Variants in FYB2 observed in about 807,000 individuals in gnomAD.
FYB2 encodes FYN binding protein 2.
Under a neutral mutation model 94.1 loss-of-function variants are expected in FYB2, and 103 were observed. The ratio of observed to expected loss-of-function variants is 1.09; its 90% CI spans 0.93 to 1.29. FYB2 has a LOEUF of 1.29. Among genes scored for constraint, FYB2 ranks in the 50% most tolerant of loss-of-function variants. The pLI is 0.00. For synonymous variants in FYB2, 293 were observed against 287.9 expected (o/e 1.02, Z -0.18); for missense variants, 896 against 841.5 (o/e 1.06, Z -0.80).
At chr1:56,819,238 A>G (rs1460471128) in intron 1 of FYB2, 44 bp downstream of exon 1, 2 of 1,613,962 alleles carry the variant, frequency 1.2e-6, no homozygotes, top group Non-Finnish European at 1.7e-6. Context: ...GTCCTGCAAG[A>G]AAAGACACAC....
At chr1:56,804,338 A>G (rs1376945790) in intron 1 of FYB2, among the ~76,000 whole-genome samples, 2 of 152,226 alleles carry the variant, frequency 1.3e-5, no homozygotes, top group African/African-American at 4.8e-5. Context: ...ATGAGTGAAT[A>G]TATTTCTGGA....
At chr1:56,756,067 C>T in intron 6 of FYB2, 140 bp from the exon 7 acceptor site, 1 of 660,224 alleles carries the variant, frequency 1.5e-6, no homozygotes. Flanking sequence ...ACACTGACCA[C>T]AGAAAGTTCC....
rs1048902363 is a variant in FYB2 at position 56,744,227 on chromosome 1, G to A, written c.1427C>T (p.Pro476Leu). ...LEVLESTKET[P>L]DLGVSKTSSI... ...ACTTGTCTTAGAGACCCCTAGGTCT[G>A]GAGTTTCTTTAGTTGACTCCAAAAC... The change falls in exon 10 of 20, where the codon CCA becomes CTA. Residue 476 changes from proline to leucine, a missense_variant. Pro to Leu is a moderately conservative substitution (Grantham distance 98). Transcript: ENST00000343433. The A allele has an allele frequency of 6.2e-7, 1 of 1,612,214 alleles. No homozygotes were observed. Among genetic ancestry groups the A allele is most frequent in the Non-Finnish European group, 8.5e-7 (1 of 1,179,200 alleles).
At chr1:56,823,070 G>A (rs1052904844), upstream of FYB2, among the ~76,000 whole-genome samples, 6 of 152,180 alleles carry the variant, frequency 3.9e-5, no homozygotes, top group Non-Finnish European at 2.9e-5. Context: ...TGTGTAGCAG[G>A]CTACACAGTT....
intron 17 of FYB2, among the ~76,000 whole-genome samples, chr1:56,721,081 C>T (rs1201446765): frequency 6.6e-6 from 1 of 151,988 alleles, no homozygotes; most frequent in East Asian, 1.9e-4. Context: ...TCCCAGTCTC[C>T]TTTTGTATTC....
intron 1 of FYB2, among the ~76,000 whole-genome samples, chr1:56,804,377 T>C (rs1205164114): frequency 6.6e-6 from 1 of 152,180 alleles, no homozygotes; most frequent in Non-Finnish European, 1.5e-5. Context: ...GATGATCTTT[T>C]AAAAGGCTTT....
intron 5 of FYB2, among the ~76,000 whole-genome samples, chr1:56,767,447 A>T (rs1645650762): frequency 6.6e-6 from 1 of 152,194 alleles, no homozygotes; most frequent in Non-Finnish European, 1.5e-5. Flanking sequence ...CACACCAAGT[A>T]ACCAGGGAAC....
chr1:56,731,635 C>T (rs1644712955), intron 15 of FYB2, among the ~76,000 whole-genome samples: 1 of 152,010 alleles, frequency 6.6e-6, no homozygotes, highest in South Asian at 2.1e-4. Context: ...ATATTGATGC[C>T]CATCAATCAG....
chr1:56,735,501 G>A (rs1365160067), intron 15 of FYB2, among the ~76,000 whole-genome samples: 1 of 152,102 alleles, frequency 6.6e-6, no homozygotes, highest in Non-Finnish European at 1.5e-5. Context: ...ACAATATACA[G>A]TGAGATATGA....
chr1:56,824,681 C>T (rs906126724), upstream of FYB2: 4 of 152,230 alleles, frequency 2.6e-5, no homozygotes, highest in African/African-American at 9.7e-5. Context: ...TGTTTCCGAC[C>T]CTTTGTCATC....
intron 3 of FYB2, 163 bp downstream of exon 3, chr1:56,788,810 A>G (rs1234496625): frequency 5.2e-6 from 5 of 965,506 alleles, no homozygotes; most frequent in African/African-American, 1.6e-5. Context: ...TCCCACAGAG[A>G]CATCGTTTCA....
intron 12 of FYB2, 139 bp from the exon 13 acceptor site, chr1:56,740,934 G>T (rs1281121027): frequency 2.0e-6 from 1 of 494,230 alleles, no homozygotes. Context: ...TGGTCATAAA[G>T]ATGGAAATAA....
At position 56,792,539 on chromosome 1, in the gene FYB2, T is replaced by G; in HGVS notation, c.274A>C (p.Asn92His). The G allele has an allele frequency of 6.2e-7, 1 of 1,614,132 alleles. No individual in the cohort carries two copies. Among genetic ancestry groups the G allele is most frequent in the East Asian group, 2.2e-5 (1 of 44,874 alleles). ...AQKSEIPKCS[N>H]SPGPLGKSTV... ...GACTTTCCCAGAGGCCCTGGGGAGT[T>G]AGAACATTTTGGAATTTCACTCTTC... The change falls in exon 2 of 20, where the codon AAC becomes CAC. Residue 92 changes from asparagine to histidine, a missense_variant. Transcript: ENST00000343433.
At chr1:56,785,637 G>A (rs1646117027) in intron 4 of FYB2, among the ~76,000 whole-genome samples, 1 of 152,122 alleles carries the variant, frequency 6.6e-6, no homozygotes, top group African/African-American at 2.4e-5. Flanking sequence ...TGTGGTTCCT[G>A]TTTACCTCTA....
At chr1:56,788,063 C>A (rs1420848256) in intron 3 of FYB2, among the ~76,000 whole-genome samples, 1 of 152,160 alleles carries the variant, frequency 6.6e-6, no homozygotes, top group African/African-American at 2.4e-5. Flanking sequence ...TGTTAAAAGG[C>A]AAATTATCAA....
At chr1:56,787,316 G>A in intron 3 of FYB2, 108 bp from the exon 4 acceptor site, 1 of 1,369,146 alleles carries the variant, frequency 7.3e-7, no homozygotes. Context: ...GAGAGTGGAA[G>A]CTTGCCTGTG....
chr1:56,769,900 T>C (rs1417784595), intron 4 of FYB2, among the ~76,000 whole-genome samples: 1 of 152,178 alleles, frequency 6.6e-6, no homozygotes, highest in Non-Finnish European at 1.5e-5. Context: ...TGAATTGATA[T>C]ATTTTTTAAA....
rs1010798700 is a variant in FYB2, at chr1:56,768,002, ATT to A, written c.954-66_954-65del. On this transcript the variant is annotated intron_variant, in intron 4 of 19. Transcript: ENST00000343433. ...AAAACATATTTTGAAAGCTTTTTGTATTTTTTCCTCATTAGAGAAATAATATG... is the reference window on the plus strand; with the variant it reads ...AAAACATATTTTGAAAGCTTTTTGTATTTTCCTCATTAGAGAAATAATATG... 2.3e-6 allele frequency: 3 copies of A among 1,294,926 alleles called. No individual in the cohort carries two copies. In the African/African-American group the frequency reaches 4.5e-5, roughly 20 times the overall value. The allele number at this position is 1,294,926 out of a possible 1,614,324, so 80.2% of individuals were successfully genotyped here. A position where few individuals can be genotyped will look rare whatever the true frequency, so the allele number is the denominator to read the frequency against.
chr1:56,726,939 AGTTTT>A (rs1347513403), intron 15 of FYB2, among the ~76,000 whole-genome samples: 3 of 111,832 alleles, frequency 2.7e-5, no homozygotes, highest in Admixed American at 1.1e-4. Context: ...TATGAGCCTC[AGTTTT>A]GTTTTGTTTT....
Sources: allele counts gnomAD v4.1 joint callset (sites outside exome capture counted in the v4.1 genomes callset), GRCh38; gene constraint gnomAD v4.1.1; transcripts MANE v1.5; gene names NCBI Gene and HGNC (gene_info 2026-07-23, HGNC 2026-07-21).